Variants in PAK3 observed in about 807,000 individuals in gnomAD.
PAK3 encodes serine/threonine-protein kinase PAK 3.
A neutral mutation model predicts 41.0 loss-of-function variants in PAK3; 4 were observed. The observed-to-expected ratio is 0.10, with a 90% confidence interval of 0.05 to 0.22. The LOEUF is 0.22. Among genes scored for constraint, PAK3 ranks in the 10% least tolerant of loss-of-function variants. The pLI, the probability that PAK3 is intolerant of heterozygous loss-of-function variation, is 1.00. For missense variants in PAK3, 205 were observed against 409.9 expected, an observed-to-expected ratio of 0.50 and a Z score of 4.32; for synonymous variants, 146 against 139.6, an observed-to-expected ratio of 1.05 and a Z score of -0.32.
chrX:111,139,064 A>G (rs2093834780), intron 5 of PAK3, among the ~76,000 whole-genome samples: 1 of 111,681 alleles, frequency 9.0e-6, no homozygotes, highest in Admixed American at 9.5e-5. Flanking sequence ...AAGTGGATAA[A>G]ATTGGAGGCA....
chrX:110,963,569 C>G (rs1458733335), intron 1 of PAK3, among the ~76,000 whole-genome samples: 1 of 112,527 alleles, frequency 8.9e-6, no homozygotes, highest in Non-Finnish European at 1.9e-5. Context: ...TGGCCATGGC[C>G]AGGCTTGACT....
intron 7 of PAK3, among the ~76,000 whole-genome samples, chrX:111,149,125 C>T (rs1277713674): frequency 2.7e-5 from 3 of 111,509 alleles, no homozygotes; most frequent in African/African-American, 9.8e-5. Context: ...CAAAATCCAG[C>T]AGGGCAGTCA....
chrX:110,987,796 G>A (rs986401224), intron 1 of PAK3, among the ~76,000 whole-genome samples: 5 of 111,549 alleles, frequency 4.5e-5, no homozygotes, highest in African/African-American at 1.6e-4. Flanking sequence ...ATAGGTTCAA[G>A]GCCTCTGGAG....
intron 8 of PAK3, among the ~76,000 whole-genome samples, chrX:111,162,539 A>C (rs1049754621): frequency 2.7e-5 from 3 of 112,116 alleles, no homozygotes; most frequent in Non-Finnish European, 5.6e-5. Context: ...CAATCAATAA[A>C]TTGATAATCT....
chrX:110,952,165 G>C (rs2090757108), intron 1 of PAK3, among the ~76,000 whole-genome samples: 1 of 112,180 alleles, frequency 8.9e-6, no homozygotes, highest in Non-Finnish European at 1.9e-5. Context: ...TCTTGTGCCT[G>C]TTTTCTGCCA....
intron 1 of PAK3, among the ~76,000 whole-genome samples, chrX:110,981,502 G>A (rs1169716876): frequency 9.1e-6 from 1 of 109,710 alleles, no homozygotes; most frequent in Non-Finnish European, 1.9e-5. Context: ...AGATAAAGGG[G>A]CATGATCTCC....
chrX:110,966,221 T>A (rs748594299), intron 1 of PAK3, among the ~76,000 whole-genome samples: 11 of 111,764 alleles, frequency 9.8e-5, no homozygotes, highest in Non-Finnish European at 1.9e-4. Flanking sequence ...AGGGCTCCAG[T>A]TCCATTCATT....
intron 7 of PAK3, among the ~76,000 whole-genome samples, chrX:111,150,070 C>T (rs1427499209): frequency 8.9e-6 from 1 of 111,828 alleles, no homozygotes; most frequent in Non-Finnish European, 1.9e-5. Context: ...AAACATCTCT[C>T]TCAAGTTCAA....
chrX:111,055,706 G>A lies in PAK3; in HGVS notation c.-27-67371G>A, dbSNP rs182304447. On this transcript the variant is annotated intron_variant, in intron 1 of 14. Coordinates refer to the PAK3 transcript ENST00000425146. ...AACAGGATCTACATCAACCATCAAC[G>A]CTGACCAGGCAATCATATACACAGC... Among the ~76,000 whole-genome samples, 32 of 111,558 alleles carry A rather than the reference G, an allele frequency of 2.9e-4. No homozygotes were observed. In the East Asian group the frequency reaches 8.8e-3, roughly 31 times the overall value.
At chrX:111,110,554 G>C (rs961557723) in intron 4 of PAK3, among the ~76,000 whole-genome samples, 1 of 111,776 alleles carries the variant, frequency 8.9e-6, no homozygotes, top group African/African-American at 3.3e-5. Context: ...TGTTGCAAGA[G>C]TGAAACAAAT....
intron 1 of PAK3, among the ~76,000 whole-genome samples, chrX:111,021,673 T>G (rs1602841019): frequency 1.8e-5 from 2 of 110,767 alleles, no homozygotes; most frequent in Non-Finnish European, 3.8e-5. Context: ...CAAACCAAGA[T>G]GAAATCTCTG....
intron 1 of PAK3, among the ~76,000 whole-genome samples, chrX:111,037,371 G>T (rs138153603): frequency 9.1e-4 from 102 of 112,026 alleles, no homozygotes; most frequent in African/African-American, 2.8e-3. Flanking sequence ...GAAATTGAGA[G>T]GATTTCCTTT....
intron 16 of PAK3, among the ~76,000 whole-genome samples, chrX:111,214,440 A>G (rs930796249): frequency 8.9e-6 from 1 of 111,854 alleles, no homozygotes; most frequent in Non-Finnish European, 1.9e-5. Flanking sequence ...AAGTGATTCT[A>G]ATGTTCAGAC....
intron 11 of PAK3, among the ~76,000 whole-genome samples, chrX:111,179,011 CTATATATA>C (rs57999727): frequency 2.2e-5 from 2 of 89,815 alleles, no homozygotes; most frequent in African/African-American, 8.7e-5. Flanking sequence ...ATCTATATAT[CTATATATA>C]TATATATATA....
chrX:111,028,294 T>C (rs1161120707), intron 1 of PAK3, among the ~76,000 whole-genome samples: 1 of 108,437 alleles, frequency 9.2e-6, no homozygotes, highest in Non-Finnish European at 1.9e-5. Flanking sequence ...CTGGGTAGAG[T>C]GTACACTGCT....
At chrX:111,140,172 A>G (rs1242977833) in intron 5 of PAK3, among the ~76,000 whole-genome samples, 1 of 112,007 alleles carries the variant, frequency 8.9e-6, no homozygotes, top group Non-Finnish European at 1.9e-5. Flanking sequence ...ACCCCTGCCA[A>G]CCACAGATTA....
At chrX:111,079,312 G>A (rs1247167863) in intron 1 of PAK3, among the ~76,000 whole-genome samples, 3 of 111,998 alleles carry the variant, frequency 2.7e-5, no homozygotes, top group African/African-American at 6.5e-5. Context: ...AGAGGCTAAC[G>A]CAACCAGTGA....
At chrX:111,040,314 G>A (rs1039397342) in intron 1 of PAK3, among the ~76,000 whole-genome samples, 4 of 111,862 alleles carry the variant, frequency 3.6e-5, no homozygotes, top group African/African-American at 1.3e-4. Context: ...CAGAATGTAG[G>A]TAAAGCACTT....
chrX:111,192,466 AATG>A, intron 12 of PAK3, 37 bp from the exon 13 acceptor site: 1 of 716,369 alleles, frequency 1.4e-6, no homozygotes, highest in Non-Finnish European at 2.2e-6. Flanking sequence ...TGTTTATTAT[AATG>A]ATTGTAATTC....
Sources: gnomAD v4.1 joint callset for allele counts (sites outside exome capture counted in the v4.1 genomes callset) on GRCh38, gnomAD v4.1.1 for gene constraint, MANE v1.5 for transcripts, NCBI Gene and HGNC (gene_info 2026-07-23, HGNC 2026-07-21) for gene names.